Variants in VWA8 observed in about 807,000 individuals in gnomAD.
VWA8 encodes von Willebrand factor A domain-containing protein 8.
VWA8 carries 221 observed loss-of-function variants against 241.5 expected under a neutral mutation model. The observed-to-expected ratio is 0.91, with a 90% confidence interval of 0.82 to 1.02. The LOEUF (loss-of-function observed/expected upper bound fraction) is 1.02. Among genes scored for constraint, VWA8 ranks in the 50% least tolerant of loss-of-function variants. The pLI is 0.00. For synonymous variants in VWA8, 852 were observed against 827.1 expected, an observed-to-expected ratio of 1.03 and a Z score of -0.52; for missense variants, 2,322 against 2,328.7, an observed-to-expected ratio of 1.00 and a Z score of 0.06.
chr13:41,664,337 G>A (rs1394018828), intron 37 of VWA8, among the ~76,000 whole-genome samples: 2 of 150,292 alleles, frequency 1.3e-5, no homozygotes, highest in Non-Finnish European at 1.5e-5. Context: ...AGAAGTTATC[G>A]GCTTTATTTC....
At chr13:41,847,447 T>C (rs985465487) in intron 12 of VWA8, among the ~76,000 whole-genome samples, 2 of 152,104 alleles carry the variant, frequency 1.3e-5, no homozygotes, top group African/African-American at 4.8e-5. Context: ...AAATGCCCCA[T>C]AGCAGAAAGA....
intron 2 of VWA8, among the ~76,000 whole-genome samples, chr13:41,943,071 G>A (rs780166756): frequency 1.3e-5 from 2 of 152,164 alleles, no homozygotes; most frequent in South Asian, 2.1e-4. Flanking sequence ...TGAAGCTGGT[G>A]TTAGAAGAGG....
chr13:41,588,485 C>T (rs1381650275), intron 41 of VWA8, among the ~76,000 whole-genome samples: 4 of 152,216 alleles, frequency 2.6e-5, no homozygotes, highest in South Asian at 4.1e-4. Flanking sequence ...CTTTGGGAGG[C>T]CAAGGTGGGA....
At position 41,841,934 on chromosome 13, in the gene VWA8, C is replaced by T. The variant is rs1872076228; in HGVS notation, c.1426-8403G>A. ...TAATGATTTTGTTTTCCAAAGGAAA[C>T]TAGCTGAATTTCTGTAGGCTTTCCA... On this transcript the variant is annotated intron_variant, in intron 12 of 44. Coordinates refer to ENST00000379310, the MANE Select transcript of VWA8 (RefSeq NM_015058.2). 2.2e-5 allele frequency among the ~76,000 whole-genome samples: 3 copies of T among 136,014 alleles called. No individual in the cohort carries two copies. In the South Asian group the frequency reaches 7.1e-4, roughly 32 times the overall value. 89.2% of individuals were successfully genotyped at this position (136,014 alleles called of 152,430 possible).
chr13:41,574,853 G>T (rs1332854699), intron 43 of VWA8, among the ~76,000 whole-genome samples: 1 of 152,138 alleles, frequency 6.6e-6, no homozygotes, highest in East Asian at 1.9e-4. Context: ...AGTATGGAAA[G>T]TCCTTAAAGA....
At position 41,693,448 on chromosome 13, in the gene VWA8, T is replaced by C. The variant is rs560688115; in HGVS notation, c.3565-476A>G. Among the ~76,000 whole-genome samples the C allele has an allele frequency of 2.0e-5, 3 of 152,152 alleles. No individual in the cohort carries two copies. The East Asian group carries it at 5.8e-4, about 29-fold the overall frequency. ...AAATCTCATTTATCTTTTTCACAAA[T>C]CCAGGTTCAATTTAGAAAATAGGTA... is the stretch of plus-strand genomic sequence containing the variant. On this transcript the variant is annotated intron_variant, in intron 29 of 44. Transcript: ENST00000379310.
Position 41,587,378 on chromosome 13 carries a change from C to T in VWA8, c.5271+134G>A. On this transcript the variant is annotated intron_variant, in intron 42 of 44. Transcript: ENST00000379310. Reference sequence around the variant, plus strand: ...ATTACTACTTCAGATAAAACAAAAGCTTCACTTTCTCTGCACTGATGAATG... The same window carrying T: ...ATTACTACTTCAGATAAAACAAAAGTTTCACTTTCTCTGCACTGATGAATG... 3.5e-6 allele frequency: 4 copies of T among 1,140,132 alleles called. 1 individual carries two copies. The highest frequency in any genetic ancestry group is 4.9e-4 in the Middle Eastern group (2 of 4,112). 70.6% of individuals were successfully genotyped at this position (1,140,132 alleles called of 1,614,324 possible). A position where few individuals can be genotyped will look rare whatever the true frequency, so the allele number is the denominator to read the frequency against.
chr13:41,699,673 A>C (rs9594614), intron 28 of VWA8, among the ~76,000 whole-genome samples: 5,255 of 152,266 alleles, frequency 0.035, 301 homozygotes, highest in African/African-American at 0.12. Flanking sequence ...CTATCTGCTA[A>C]TCTTGCATTT....
chr13:41,580,053 C>T (rs1294019018), intron 42 of VWA8, among the ~76,000 whole-genome samples: 2 of 150,596 alleles, frequency 1.3e-5, no homozygotes, highest in Non-Finnish European at 3.0e-5. Flanking sequence ...CAGGGTCTTG[C>T]TACATTGCAC....
rs111903080 is a variant in VWA8 at position 41,838,739 on chromosome 13, C to T, written c.1426-5208G>A. Among the ~76,000 whole-genome samples the T allele has an allele frequency of 6.2e-3, 942 of 152,018 alleles. 7 individuals carry two copies. The highest frequency in any genetic ancestry group is 0.022 in the African/African-American group (898 of 41,496). On this transcript the variant is annotated intron_variant, in intron 12 of 44. Transcript: ENST00000379310. ...CTAATATCCAACATAAAGAGTGACA[C>T]TAAAAAAAAGTTACAGGTGTTCCTG...
chr13:41,780,175 G>T (rs1213879229), intron 19 of VWA8, among the ~76,000 whole-genome samples: 1 of 152,126 alleles, frequency 6.6e-6, no homozygotes, highest in African/African-American at 2.4e-5. Flanking sequence ...GGAGGGCTGT[G>T]TGCAGAGTTG....
At chr13:41,837,932 A>G (rs546476439) in intron 12 of VWA8, among the ~76,000 whole-genome samples, 169 of 152,324 alleles carry the variant, frequency 1.1e-3, no homozygotes, top group African/African-American at 3.8e-3. Flanking sequence ...ATAACAGGAC[A>G]TGAAATTTAA....
rs1028235472 is a variant in VWA8, at chr13:41,633,091, T to C, written c.4612-18007A>G. ...AACAGCACTTGGAGCATGGGAAAACTTGACACATGAAGTAATCGTAATGTA... is the reference window on the plus strand; with the variant it reads ...AACAGCACTTGGAGCATGGGAAAACCTGACACATGAAGTAATCGTAATGTA... On this transcript the variant is annotated intron_variant, in intron 37 of 44. Coordinates refer to ENST00000379310, the MANE Select transcript of VWA8 (RefSeq NM_015058.2). Among the ~76,000 whole-genome samples, 22 of 152,220 alleles carry C rather than the reference T, an allele frequency of 1.4e-4. 1 individual carries two copies. The highest frequency in any genetic ancestry group is 1.4e-3 in the Admixed American group (21 of 15,270).
At chr13:41,765,704 C>G (rs1437513403) in intron 20 of VWA8, among the ~76,000 whole-genome samples, 3 of 152,106 alleles carry the variant, frequency 2.0e-5, no homozygotes, top group Non-Finnish European at 4.4e-5. Context: ...AAAAAATCTG[C>G]TAACATTTTA....
intron 2 of VWA8, among the ~76,000 whole-genome samples, chr13:41,914,668 G>A (rs1403785775): frequency 6.6e-6 from 1 of 152,050 alleles, no homozygotes. Flanking sequence ...AAACACTTTG[G>A]GTTTTTTCTT....
chr13:41,634,689 G>A (rs893906432), intron 37 of VWA8, among the ~76,000 whole-genome samples: 3 of 149,432 alleles, frequency 2.0e-5, no homozygotes, highest in Admixed American at 2.0e-4. Flanking sequence ...CTGCACATTC[G>A]TTTCTTCATC....
At chr13:41,786,155 C>G (rs1053371342) in intron 18 of VWA8, among the ~76,000 whole-genome samples, 4 of 152,084 alleles carry the variant, frequency 2.6e-5, no homozygotes, top group African/African-American at 9.7e-5. Flanking sequence ...ATTTTGTCAT[C>G]ACAACTAAGG....
intron 38 of VWA8, among the ~76,000 whole-genome samples, chr13:41,612,402 TC>T (rs2044594714): frequency 6.6e-6 from 1 of 152,208 alleles, no homozygotes; most frequent in Non-Finnish European, 1.5e-5. Context: ...CAATAGAAAC[TC>T]AAGTTTACAT....
chr13:41,892,091 A>G (rs1399538220), intron 4 of VWA8, among the ~76,000 whole-genome samples: 1 of 152,200 alleles, frequency 6.6e-6, no homozygotes, highest in Admixed American at 6.5e-5. Context: ...TGCTGACAAC[A>G]TTACACACTT....
Sources: gnomAD v4.1 joint callset for allele counts (sites outside exome capture counted in the v4.1 genomes callset) on GRCh38, gnomAD v4.1.1 for gene constraint, MANE v1.5 for transcripts, NCBI Gene and HGNC (gene_info 2026-07-23, HGNC 2026-07-21) for gene names.